CHN2: variants seen among roughly 807,000 people sequenced by gnomAD.
The protein encoded by CHN2 is chimerin 2.
CHN2 carries 35 observed loss-of-function variants against 56.3 expected under a neutral mutation model. The ratio of observed to expected loss-of-function variants is 0.62; its 90% CI spans 0.47 to 0.82. The LOEUF (loss-of-function observed/expected upper bound fraction) is 0.82, where lower values mean the gene tolerates loss of function less well. Among genes scored for constraint, CHN2 ranks in the 40% least tolerant of loss-of-function variants. CHN2 has a pLI of 0.00. For synonymous variants in CHN2, 210 were observed against 212.8 expected, an observed-to-expected ratio of 0.99 and a Z score of 0.12; for missense variants, 491 against 580.5, an observed-to-expected ratio of 0.85 and a Z score of 1.58.
intron 6 of CHN2, among the ~76,000 whole-genome samples, chr7:29,472,312 T>A (rs1264607243): frequency 5.2e-5 from 4 of 76,326 alleles, no homozygotes; most frequent in Non-Finnish European, 1.4e-4. Flanking sequence ...CACACACACA[T>A]TAGACACAGA....
intron 5 of CHN2, 133 bp downstream of exon 5, chr7:29,398,619 G>A (rs1448037558): frequency 3.2e-6 from 2 of 633,558 alleles, no homozygotes; most frequent in Middle Eastern, 4.3e-4. Context: ...GTTATGAGGG[G>A]GGGGTCCCAC....
chr7:29,468,154 C>G (rs1343336395), intron 6 of CHN2, among the ~76,000 whole-genome samples: 3 of 117,084 alleles, frequency 2.6e-5, no homozygotes, highest in Non-Finnish European at 3.8e-5. Flanking sequence ...CCCCCCCCCC[C>G]CGCCCGACTA....
intron 2 of CHN2, among the ~76,000 whole-genome samples, chr7:29,172,855 G>C (rs542476121): frequency 6.6e-6 from 1 of 152,112 alleles, no homozygotes; most frequent in East Asian, 1.9e-4. Flanking sequence ...AAAAATGCTG[G>C]ATAAGGCCGA....
At chr7:29,325,199 CT>C (rs1231135286) in intron 1 of CHN2, among the ~76,000 whole-genome samples, 1 of 152,228 alleles carries the variant, frequency 6.6e-6, no homozygotes, top group Non-Finnish European at 1.5e-5. Flanking sequence ...TTCCTTGATT[CT>C]GTCCCGCTCT....
At chr7:29,259,744 G>A (rs1789392943) in intron 1 of CHN2, among the ~76,000 whole-genome samples, 1 of 152,126 alleles carries the variant, frequency 6.6e-6, no homozygotes, top group African/African-American at 2.4e-5. Context: ...CACAGCAATG[G>A]AAACAAAGTG....
chr7:29,396,957 C>T (rs1801804886), intron 4 of CHN2: 1 of 152,374 alleles, frequency 6.6e-6, no homozygotes, highest in Non-Finnish European at 1.5e-5. Context: ...CAGTTAGACC[C>T]CCTGAGACTG....
At chr7:29,451,781 C>T (rs1033127397) in intron 6 of CHN2, among the ~76,000 whole-genome samples, 3 of 152,092 alleles carry the variant, frequency 2.0e-5, no homozygotes, top group Non-Finnish European at 4.4e-5. Context: ...CTGTGATTAG[C>T]CCCCCGTCTT....
chr7:29,491,048 C>G (rs879433379), intron 7 of CHN2, among the ~76,000 whole-genome samples: 1 of 152,038 alleles, frequency 6.6e-6, no homozygotes, highest in Non-Finnish European at 1.5e-5. Flanking sequence ...ATTTTTGAGA[C>G]CATATTGTCA....
At chr7:29,184,162 TAGATA>T (rs1390449094) in intron 2 of CHN2, among the ~76,000 whole-genome samples, 1 of 118,766 alleles carries the variant, frequency 8.4e-6, no homozygotes, top group Admixed American at 7.7e-5. Flanking sequence ...GATAGATAGA[TAGATA>T]GATAGATAGA....
chr7:29,251,323 A>C (rs552599748), intron 1 of CHN2, among the ~76,000 whole-genome samples: 1 of 152,018 alleles, frequency 6.6e-6, no homozygotes, highest in Admixed American at 6.6e-5. Flanking sequence ...GTGTGGTGAC[A>C]TGTGCCTGTT....
At chr7:29,366,850 C>T (rs1310139436) in intron 2 of CHN2, among the ~76,000 whole-genome samples, 1 of 152,146 alleles carries the variant, frequency 6.6e-6, no homozygotes, top group African/African-American at 2.4e-5. Context: ...ATTGGGGAGC[C>T]ATAGTTACAA....
chr7:29,506,513 T>A (rs918369034), intron 10 of CHN2, among the ~76,000 whole-genome samples: 1 of 152,118 alleles, frequency 6.6e-6, no homozygotes, highest in Non-Finnish European at 1.5e-5. Flanking sequence ...GGCACGTCCC[T>A]GGAATCCCAG....
At chr7:29,238,198 T>C (rs1787354473) in intron 1 of CHN2, among the ~76,000 whole-genome samples, 1 of 151,858 alleles carries the variant, frequency 6.6e-6, no homozygotes, top group East Asian at 1.9e-4. Flanking sequence ...TTTTGTATTT[T>C]TAGTAAAGAT....
intron 9 of CHN2, among the ~76,000 whole-genome samples, chr7:29,501,027 A>G (rs969704577): frequency 6.5e-4 from 99 of 152,318 alleles, no homozygotes; most frequent in African/African-American, 2.1e-3. Flanking sequence ...CACTTTTGCC[A>G]TGTATCATAT....
intron 1 of CHN2, among the ~76,000 whole-genome samples, chr7:29,225,527 G>A (rs1215434266): frequency 6.6e-6 from 1 of 152,176 alleles, no homozygotes; most frequent in Non-Finnish European, 1.5e-5. Flanking sequence ...ATGTGTATAT[G>A]CATGTTTAGA....
At chr7:29,234,363 G>C (rs1432898092) in intron 1 of CHN2, among the ~76,000 whole-genome samples, 5 of 152,176 alleles carry the variant, frequency 3.3e-5, no homozygotes, top group African/African-American at 1.2e-4. Flanking sequence ...ATTTCTTAAA[G>C]CAGCAGATTC....
chr7:29,241,359 A>T (rs1007443284), intron 1 of CHN2, among the ~76,000 whole-genome samples: 4 of 152,036 alleles, frequency 2.6e-5, no homozygotes, highest in Non-Finnish European at 4.4e-5. Flanking sequence ...AGTGCTTCCC[A>T]CCTGGCCTTT....
chr7:29,342,003 C>G (rs1797079516), intron 1 of CHN2, among the ~76,000 whole-genome samples: 1 of 152,198 alleles, frequency 6.6e-6, no homozygotes, highest in African/African-American at 2.4e-5. Context: ...TCCTGGGCAC[C>G]CTGAACTTTG....
At chr7:29,398,835 C>T (rs1801979793) in intron 5 of CHN2, among the ~76,000 whole-genome samples, 1 of 150,384 alleles carries the variant, frequency 6.6e-6, no homozygotes, top group South Asian at 2.1e-4. Flanking sequence ...CTCCTGGGCT[C>T]AAGCCATCCG....
Sources: gnomAD v4.1 joint callset for allele counts (sites outside exome capture counted in the v4.1 genomes callset) on GRCh38, gnomAD v4.1.1 for gene constraint, MANE v1.5 for transcripts, NCBI Gene and HGNC (gene_info 2026-07-23, HGNC 2026-07-21) for gene names.